The following FHIT variants were observed in gnomAD, a reference collection of about 807,000 sequenced individuals.
The protein encoded by FHIT is bis(5'-adenosyl)-triphosphatase.
In FHIT, 19 loss-of-function variants were observed where a neutral mutation model predicts 17.9. The observed-to-expected ratio is 1.06, with a 90% CI of 0.74 to 1.56. The LOEUF (loss-of-function observed/expected upper bound fraction) is 1.56, where lower values mean the gene tolerates loss of function less well. FHIT is among the 40% of genes most tolerant of loss of function. The pLI is 0.00. For missense variants in FHIT, 248 were observed against 189.2 expected, an observed-to-expected ratio of 1.31 and a Z score of -1.82; for synonymous variants, 81 against 69.7, an observed-to-expected ratio of 1.16 and a Z score of -0.81.
chr3:61,222,798 G>A (rs1053510523), intron 1 of FHIT, among the ~76,000 whole-genome samples: 4 of 152,152 alleles, frequency 2.6e-5, no homozygotes, highest in African/African-American at 4.8e-5. Flanking sequence ...AACAATGGGG[G>A]GAATCAAGGC....
At chr3:60,469,982 T>TC (rs1401902744) in intron 5 of FHIT, among the ~76,000 whole-genome samples, 1 of 151,948 alleles carries the variant, frequency 6.6e-6, no homozygotes, top group Non-Finnish European at 1.5e-5. Context: ...ACTCTTGTTC[T>TC]CATCCCTTAC....
At chr3:59,957,081 AGCT>A in intron 7 of FHIT, among the ~76,000 whole-genome samples, 1 of 152,160 alleles carries the variant, frequency 6.6e-6, no homozygotes, top group Non-Finnish European at 1.5e-5. Context: ...TGAGGAACTG[AGCT>A]TTACAGGCTG....
intron 7 of FHIT, among the ~76,000 whole-genome samples, chr3:59,937,324 A>G (rs1706290181): frequency 6.6e-6 from 1 of 152,178 alleles, no homozygotes; most frequent in Admixed American, 6.6e-5. Context: ...AAATGAAGGA[A>G]CAAAGGACCC....
At chr3:61,049,429 C>T (rs1299347683) in intron 2 of FHIT, among the ~76,000 whole-genome samples, 1 of 151,930 alleles carries the variant, frequency 6.6e-6, no homozygotes, top group Non-Finnish European at 1.5e-5. Context: ...TTTGCATCCC[C>T]TAATGATATA....
intron 5 of FHIT, among the ~76,000 whole-genome samples, chr3:60,418,020 T>A (rs1702315413): frequency 1.3e-5 from 2 of 152,142 alleles, no homozygotes; most frequent in African/African-American, 4.8e-5. Flanking sequence ...GTACATTTGT[T>A]TCACAGATAA....
At chr3:60,005,323 T>G (rs1322782485) in intron 7 of FHIT, among the ~76,000 whole-genome samples, 1 of 23,824 alleles carries the variant, frequency 4.2e-5, no homozygotes, top group African/African-American at 1.6e-4. Flanking sequence ...CTCAATGATT[T>G]GTATCTACTT....
chr3:60,372,245 G>A (rs1700359812), intron 5 of FHIT, among the ~76,000 whole-genome samples: 1 of 152,112 alleles, frequency 6.6e-6, no homozygotes, highest in South Asian at 2.1e-4. Flanking sequence ...GTCAGAAAAT[G>A]AAGAGACGTA....
intron 8 of FHIT, among the ~76,000 whole-genome samples, chr3:59,919,890 C>T (rs1274432671): frequency 6.6e-6 from 1 of 152,136 alleles, no homozygotes; most frequent in African/African-American, 2.4e-5. Flanking sequence ...TCCAATAATG[C>T]CTGTGCGGTA....
chr3:60,650,938 T>C (rs1459411890), intron 4 of FHIT, among the ~76,000 whole-genome samples: 1 of 152,140 alleles, frequency 6.6e-6, no homozygotes, highest in Non-Finnish European at 1.5e-5. Flanking sequence ...TAGTTCCTTC[T>C]AGGTTTTTTT....
chr3:60,525,977 C>G (rs2035559100), intron 5 of FHIT, among the ~76,000 whole-genome samples: 1 of 151,580 alleles, frequency 6.6e-6, no homozygotes. Context: ...GTGGCCCACA[C>G]CTGTAGTCCC....
At chr3:59,927,718 G>A (rs1389147557) in intron 7 of FHIT, among the ~76,000 whole-genome samples, 1 of 152,124 alleles carries the variant, frequency 6.6e-6, no homozygotes, top group East Asian at 1.9e-4. Flanking sequence ...GCCGTGAGCC[G>A]AGATCGTGCC....
chr3:60,318,324 A>G (rs1559815124), intron 5 of FHIT, among the ~76,000 whole-genome samples: 1 of 152,208 alleles, frequency 6.6e-6, no homozygotes, highest in Non-Finnish European at 1.5e-5. Flanking sequence ...TGATCATTTT[A>G]TTTATCTTAT....
chr3:60,614,182 C>T (rs2038870837), intron 4 of FHIT, among the ~76,000 whole-genome samples: 1 of 152,100 alleles, frequency 6.6e-6, no homozygotes, highest in African/African-American at 2.4e-5. Context: ...TGAACTATGC[C>T]TTTGTAACAC....
At chr3:60,467,646 A>G (rs1472651015) in intron 5 of FHIT, among the ~76,000 whole-genome samples, 1 of 151,928 alleles carries the variant, frequency 6.6e-6, no homozygotes, top group Admixed American at 6.6e-5. Flanking sequence ...TTCAGCTGTT[A>G]TTGATTTCTA....
intron 5 of FHIT, among the ~76,000 whole-genome samples, chr3:60,361,563 A>G (rs989546987): frequency 6.6e-6 from 1 of 152,218 alleles, no homozygotes; most frequent in African/African-American, 2.4e-5. Flanking sequence ...TAGAAGATGC[A>G]ATGGCAACAG....
intron 4 of FHIT, among the ~76,000 whole-genome samples, chr3:60,547,334 G>A (rs1240244040): frequency 6.6e-6 from 1 of 152,090 alleles, no homozygotes; most frequent in Non-Finnish European, 1.5e-5. Context: ...CCAAGGTTTA[G>A]ACCCTTAGAC....
chr3:60,140,198 C>T (rs1253838604), intron 5 of FHIT, among the ~76,000 whole-genome samples: 3 of 151,984 alleles, frequency 2.0e-5, no homozygotes, highest in African/African-American at 7.2e-5. Context: ...TATTTTTGTA[C>T]ATTTATGTAC....
intron 5 of FHIT, among the ~76,000 whole-genome samples, chr3:60,163,900 C>A (rs564417428): frequency 8.1e-4 from 124 of 152,290 alleles, no homozygotes; most frequent in African/African-American, 2.8e-3. Context: ...CTTCAGAGCA[C>A]TGGCTCCAGA....
At chr3:60,730,142 G>A (rs1374858856) in intron 4 of FHIT, 6 of 471,000 alleles carry the variant, frequency 1.3e-5, no homozygotes, top group South Asian at 5.1e-5. Flanking sequence ...AAGAAGCACC[G>A]AAGGACCACT....
Sources: gnomAD v4.1 joint callset for allele counts (sites outside exome capture counted in the v4.1 genomes callset) on GRCh38, gnomAD v4.1.1 for gene constraint, MANE v1.5 for transcripts, NCBI Gene and HGNC (gene_info 2026-07-23, HGNC 2026-07-21) for gene names.